The following ADAMTS2 variants were observed in gnomAD, a reference collection of about 807,000 sequenced individuals.
The protein encoded by ADAMTS2 is ADAM metallopeptidase with thrombospondin type 1 motif 2.
ADAMTS2 carries 50 observed loss-of-function variants against 123.0 expected under a neutral mutation model. That is an observed-to-expected ratio of 0.41 (90% CI 0.32 to 0.51). The LOEUF is 0.51. Among genes scored for constraint, ADAMTS2 ranks in the 20% least tolerant of loss-of-function variants. The probability of loss-of-function intolerance (pLI) is 0.35; values close to 1 mark genes in which losing one functional copy is unlikely to be tolerated. For synonymous variants in ADAMTS2, 678 were observed against 695.4 expected, an observed-to-expected ratio of 0.98 and a Z score of 0.39; for missense variants, 1,494 against 1,705.2, an observed-to-expected ratio of 0.88 and a Z score of 2.18.
At chr5:179,244,960 G>A (rs1765750438) in intron 3 of ADAMTS2, among the ~76,000 whole-genome samples, 1 of 152,158 alleles carries the variant, frequency 6.6e-6, no homozygotes, top group African/African-American at 2.4e-5. Context: ...CTGTGTGGTA[G>A]GCAGAACTGT....
In ADAMTS2 at chr5:179,310,617, C is replaced by T. The variant is rs79046216; in HGVS notation, c.534+33150G>A. Among the ~76,000 whole-genome samples the T allele has an allele frequency of 3.1e-3, 466 of 152,230 alleles. 11 individuals are homozygous for T. The highest frequency in any genetic ancestry group is 0.025 in the East Asian group (131 of 5,174). Reference sequence around the variant, plus strand: ...CTATGCAAAATGTGGCCTGGAGCAGCCTGGGGGCCCCCGGGAGCTTGTTAG... The same window carrying T: ...CTATGCAAAATGTGGCCTGGAGCAGTCTGGGGGCCCCCGGGAGCTTGTTAG... On this transcript the variant is annotated intron_variant, in intron 2 of 21. Transcript: ENST00000251582.
intron 17 of ADAMTS2, among the ~76,000 whole-genome samples, chr5:179,127,517 G>C (rs538205457): frequency 6.6e-6 from 1 of 152,194 alleles, no homozygotes; most frequent in South Asian, 2.1e-4. Flanking sequence ...GAGTGGGTAG[G>C]ACCCCTCTGT....
rs528985329 is a variant in ADAMTS2, at chr5:179,188,471, C to T, written c.892-7316G>A. 1.3e-5 allele frequency among the ~76,000 whole-genome samples: 2 copies of T among 152,206 alleles called. No homozygotes were observed. The highest frequency in any genetic ancestry group is 2.9e-5 in the Non-Finnish European group (2 of 68,042). On this transcript the variant is annotated intron_variant, in intron 4 of 21. Transcript: ENST00000251582. This position sits in a 1 kb window ranked among gnomAD's most constrained non-coding sequence, Gnocchi z 5.1. Reference sequence around the variant, plus strand: ...GGCATTGCATGGTGCCTAAACGGGGCTGCCAGAGCCTGGGCTTATCATGAG... The same window carrying T: ...GGCATTGCATGGTGCCTAAACGGGGTTGCCAGAGCCTGGGCTTATCATGAG...
At chr5:179,124,838 G>T in intron 19 of ADAMTS2, 135 bp downstream of exon 19, 1 of 1,600,508 alleles carries the variant, frequency 6.2e-7, no homozygotes, top group Non-Finnish European at 8.5e-7. Context: ...CAGGCCGGGC[G>T]TCATTGCAGT....
At position 179,285,689 on chromosome 5, in the gene ADAMTS2, C is replaced by A. The variant is rs1403124599; in HGVS notation, c.535-12625G>T. 1.3e-5 allele frequency among the ~76,000 whole-genome samples: 2 copies of A among 152,220 alleles called. No individual in the cohort carries two copies. Among genetic ancestry groups the A allele is most frequent in the Non-Finnish European group, 2.9e-5 (2 of 68,028 alleles). On this transcript the variant is annotated intron_variant, in intron 2 of 21. Coordinates refer to ENST00000251582, the MANE Select transcript of ADAMTS2 (RefSeq NM_014244.5). This position sits in a 1 kb window ranked among gnomAD's most constrained non-coding sequence, Gnocchi z 4.9. ...TCCCAGGTCTCGTTCAGCATGAAGC[C>A]CACGTCGGGGAACGTCCCCAGTCAC... is the stretch of plus-strand genomic sequence containing the variant.
intron 21 of ADAMTS2, chr5:179,121,312 C>T: frequency 5.9e-6 from 1 of 170,716 alleles, no homozygotes. Flanking sequence ...GGTGGGGTCC[C>T]CGCACGACGC....
rs1275152146 is a variant in ADAMTS2, at chr5:179,311,594, C to A, written c.534+32173G>T. ...CTAAGTCATGAATGCCCCATCTCTCCATATCTGATCACCCTTGATATCTGG... is the reference window on the plus strand; with the variant it reads ...CTAAGTCATGAATGCCCCATCTCTCAATATCTGATCACCCTTGATATCTGG... On this transcript the variant is annotated intron_variant, in intron 2 of 21. Coordinates refer to ENST00000251582, the MANE Select transcript of ADAMTS2 (RefSeq NM_014244.5). Among the ~76,000 whole-genome samples, 5 of 152,314 alleles carry A rather than the reference C, an allele frequency of 3.3e-5. No homozygotes were observed. In the East Asian group the frequency reaches 9.6e-4, roughly 29 times the overall value.
In ADAMTS2 at chr5:179,262,750, C is replaced by T. The variant is rs1581228999; in HGVS notation, c.688+10161G>A. Among the ~76,000 whole-genome samples the T allele has an allele frequency of 6.6e-6, 1 of 152,368 alleles. No homozygotes were observed. Among genetic ancestry groups the T allele is most frequent in the East Asian group, 1.9e-4 (1 of 5,186 alleles). Reference sequence around the variant, plus strand: ...GTTTTACTTTGTTCACAGGATTCTCCACTGTCTGCGAGCATCTGCTCACCA... The same window carrying T: ...GTTTTACTTTGTTCACAGGATTCTCTACTGTCTGCGAGCATCTGCTCACCA... On this transcript the variant is annotated intron_variant, in intron 3 of 21. Transcript: ENST00000251582. The surrounding 1 kb of genome is among the most constrained non-coding windows in gnomAD (Gnocchi z 5.9).
At position 179,262,320 on chromosome 5, in the gene ADAMTS2, G is replaced by A. The variant is rs1208001131; in HGVS notation, c.688+10591C>T. ...TCCTTGATTCCTTCCTTCACACCAC[G>A]TCCCGGAAGCTCCACCTCAAACTCA... On this transcript the variant is annotated intron_variant, in intron 3 of 21. Coordinates refer to ENST00000251582, the MANE Select transcript of ADAMTS2 (RefSeq NM_014244.5). This position sits in a 1 kb window ranked among gnomAD's most constrained non-coding sequence, Gnocchi z 5.9. Among the ~76,000 whole-genome samples the A allele has an allele frequency of 4.0e-5, 6 of 151,692 alleles. No individual in the cohort carries two copies. Among genetic ancestry groups the A allele is most frequent in the Admixed American group, 6.6e-5 (1 of 15,238 alleles).
intron 3 of ADAMTS2, among the ~76,000 whole-genome samples, chr5:179,223,644 ACATACACT>A (rs1217218276): frequency 3.5e-5 from 3 of 85,026 alleles, no homozygotes; most frequent in Non-Finnish European, 7.7e-5. Flanking sequence ...ATGCACACAC[ACATACACT>A]CACAGACGCA....
At chr5:179,244,136 T>C (rs980397475) in intron 3 of ADAMTS2, among the ~76,000 whole-genome samples, 2 of 127,664 alleles carry the variant, frequency 1.6e-5, no homozygotes, top group African/African-American at 6.4e-5. Flanking sequence ...CTCCCTAAAT[T>C]TGGTGAAAAC....
At chr5:179,183,616 C>T (rs1477815249) in intron 4 of ADAMTS2, among the ~76,000 whole-genome samples, 1 of 152,204 alleles carries the variant, frequency 6.6e-6, no homozygotes, top group African/African-American at 2.4e-5. Context: ...GCCAGGGTCC[C>T]CTGCACCCCA....
intron 3 of ADAMTS2, among the ~76,000 whole-genome samples, chr5:179,208,585 T>C (rs1764775924): frequency 6.6e-6 from 1 of 152,174 alleles, no homozygotes; most frequent in Non-Finnish European, 1.5e-5. Flanking sequence ...GTGCTGTCTC[T>C]GCTGTGTTCT....
rs1010469188 is a variant in ADAMTS2 at position 179,180,188 on chromosome 5, C to T, written c.975+884G>A. Among the ~76,000 whole-genome samples the T allele has an allele frequency of 6.6e-6, 1 of 152,190 alleles. No individual in the cohort carries two copies. Among genetic ancestry groups the T allele is most frequent in the Non-Finnish European group, 1.5e-5 (1 of 68,040 alleles). On this transcript the variant is annotated intron_variant, in intron 5 of 21. Transcript: ENST00000251582. The surrounding 1 kb of genome is among the most constrained non-coding windows in gnomAD (Gnocchi z 4.6). ...CAGGCACTTTGCAGTCTACACGGGC[C>T]GTACCGTGGGGCTCCTCTCTTCCTC...
At chr5:179,304,325 A>G (rs1465187518) in intron 2 of ADAMTS2, among the ~76,000 whole-genome samples, 1 of 152,252 alleles carries the variant, frequency 6.6e-6, no homozygotes, top group Non-Finnish European at 1.5e-5. Context: ...ACCAAGAACC[A>G]GGAAAATCTC....
At chr5:179,299,144 A>G (rs1756426843) in intron 2 of ADAMTS2, among the ~76,000 whole-genome samples, 1 of 151,922 alleles carries the variant, frequency 6.6e-6, no homozygotes, top group South Asian at 2.1e-4. Context: ...GAGTGACAAG[A>G]TCTCACTTCT....
chr5:179,300,893 T>A (rs971592743), intron 2 of ADAMTS2, among the ~76,000 whole-genome samples: 4 of 152,162 alleles, frequency 2.6e-5, no homozygotes, highest in African/African-American at 9.7e-5. Flanking sequence ...AAACTCTTCA[T>A]CTACGCGGAG....
At chr5:179,160,149 T>C (rs1469664556) in intron 5 of ADAMTS2, among the ~76,000 whole-genome samples, 1 of 152,230 alleles carries the variant, frequency 6.6e-6, no homozygotes, top group Non-Finnish European at 1.5e-5. Context: ...CACGTATTTC[T>C]CTTTGTGTCT....
rs1763530473 is a variant in ADAMTS2, at chr5:179,158,599, G to A, written c.1132+124C>T. 6 of 1,301,854 alleles carry A rather than the reference G, an allele frequency of 4.6e-6. No homozygotes were observed. The highest frequency in any genetic ancestry group is 5.5e-6 in the Non-Finnish European group (5 of 912,738). 80.6% of individuals were successfully genotyped at this position (1,301,854 alleles called of 1,614,324 possible). ...CCCCACACCCTCACCCAGCTAAGGT[G>A]GCCACGGCCTTCCCTGCCCTGACAC... is the stretch of plus-strand genomic sequence containing the variant. On this transcript the variant is annotated intron_variant, in intron 6 of 21. Transcript: ENST00000251582. The surrounding 1 kb of genome is among the most constrained non-coding windows in gnomAD (Gnocchi z 5.0).
Sources: gnomAD v4.1 joint callset for allele counts (sites outside exome capture counted in the v4.1 genomes callset) on GRCh38, gnomAD v4.1.1 for gene constraint, Gnocchi (gnomAD v3.1) non-coding constraint, MANE v1.5 for transcripts, NCBI Gene and HGNC (gene_info 2026-07-23, HGNC 2026-07-21) for gene names.